Variants in HADH observed in about 807,000 individuals in gnomAD.
HADH encodes the protein hydroxyacyl-coenzyme A dehydrogenase, mitochondrial.
Under a neutral mutation model 32.2 loss-of-function variants are expected in HADH, and 24 were observed. The observed-to-expected ratio is 0.75, with a 90% CI of 0.54 to 1.05. The LOEUF is 1.05. HADH is among the 50% of genes least tolerant of loss of function. HADH has a pLI of 0.00. For missense variants in HADH, 350 were observed against 397.1 expected (o/e 0.88, Z 1.01); for synonymous variants, 139 against 152.5 (o/e 0.91, Z 0.65).
At chr4:108,013,345 GA>G (rs1735571358) in intron 2 of HADH, among the ~76,000 whole-genome samples, 1 of 152,302 alleles carries the variant, frequency 6.6e-6, no homozygotes, top group African/African-American at 2.4e-5. Flanking sequence ...GTCTAGGACA[GA>G]GTGAGTTTGA....
At chr4:108,015,420 G>A (rs368253043) in intron 3 of HADH, among the ~76,000 whole-genome samples, 3 of 152,182 alleles carry the variant, frequency 2.0e-5, no homozygotes, top group African/African-American at 7.2e-5. Flanking sequence ...TTGACCACTA[G>A]TGTGTCTTTT....
In HADH at chr4:108,009,985, T is replaced by TC. The variant is rs1163948089; in HGVS notation, c.261+98_261+99insC. 9.9e-6 allele frequency: 9 copies of TC among 911,690 alleles called. No individual in the cohort carries two copies. The East Asian group carries it at 2.2e-4, about 22-fold the overall frequency. 56.5% of individuals were successfully genotyped at this position (911,690 alleles called of 1,614,324 possible). Reference sequence around the variant, plus strand: ...TCTGGCTTTCTTTCTTTCTTTTTTTTTTTTTTTTTCAGTTTGTTAGTGTAA... The same window carrying TC: ...TCTGGCTTTCTTTCTTTCTTTTTTTTCTTTTTTTTTCAGTTTGTTAGTGTAA... On this transcript the variant is annotated intron_variant, in intron 2 of 7. Transcript: ENST00000309522.
intron 1 of HADH, among the ~76,000 whole-genome samples, chr4:107,999,431 G>A (rs1440204227): frequency 6.6e-6 from 1 of 152,124 alleles, no homozygotes; most frequent in Non-Finnish European, 1.5e-5. Flanking sequence ...GACTTTAGTG[G>A]CATTTTTTCC....
intron 6 of HADH, 184 bp from the exon 7 acceptor site, chr4:108,032,990 CAA>C (rs1024692038): frequency 3.2e-6 from 2 of 619,582 alleles, no homozygotes; most frequent in Non-Finnish European, 5.8e-6. Context: ...TCAAAAAAAA[CAA>C]AGTCTTATGA....
At chr4:108,014,305 A>G in intron 2 of HADH, 126 bp from the exon 3 acceptor site, 1 of 970,524 alleles carries the variant, frequency 1.0e-6, no homozygotes, top group Non-Finnish European at 1.6e-6. Flanking sequence ...CACTTTGAGA[A>G]CAGATAGGGT....
chr4:108,019,710 T>A (rs1487057330), intron 4 of HADH, 44 bp downstream of exon 4: 6 of 1,611,932 alleles, frequency 3.7e-6, no homozygotes, highest in Non-Finnish European at 8.5e-7. Context: ...CTCTGCCAGC[T>A]CTCTCAGTCC....
intron 1 of HADH, among the ~76,000 whole-genome samples, chr4:108,009,380 A>G (rs145134516): frequency 4.1e-4 from 62 of 152,236 alleles, no homozygotes; most frequent in African/African-American, 1.4e-3. Context: ...AAATAGCCAC[A>G]TGTAGCTAGT....
chr4:108,015,449 A>C (rs1333087657), intron 3 of HADH, among the ~76,000 whole-genome samples: 2 of 152,168 alleles, frequency 1.3e-5, no homozygotes, highest in African/African-American at 4.8e-5. Context: ...ATATCTGTTC[A>C]TGACCCCTGG....
chr4:108,006,174 C>T (rs567023861), intron 1 of HADH, among the ~76,000 whole-genome samples: 1 of 152,228 alleles, frequency 6.6e-6, no homozygotes, highest in East Asian at 1.9e-4. Flanking sequence ...TTGACCTTTC[C>T]TTAGGGAGTG....
intron 1 of HADH, among the ~76,000 whole-genome samples, chr4:107,993,955 C>T (rs1235888007): frequency 1.3e-5 from 2 of 152,098 alleles, no homozygotes; most frequent in East Asian, 1.9e-4. Flanking sequence ...AAGCTGGTAG[C>T]TGTGTGCATT....
At chr4:108,023,688 A>G in intron 5 of HADH, 125 bp downstream of exon 5, 1 of 739,036 alleles carries the variant, frequency 1.4e-6, no homozygotes, top group East Asian at 2.6e-5. Context: ...AAGCTTGTCC[A>G]CATGCTGTAA....
Position 107,995,891 on chromosome 4 carries a change from C to CA in HADH, c.132+5830dup, listed in dbSNP as rs1734940712. ...GTTGACGTCTCCTTGGCTCTGGACT[C>CA]AAAGTTAGTCTACCTGCTGGTCGTC... is the stretch of plus-strand genomic sequence containing the variant. On this transcript the variant is annotated intron_variant, in intron 1 of 7. Transcript: ENST00000309522. 5.3e-5 allele frequency among the ~76,000 whole-genome samples: 8 copies of CA among 152,286 alleles called. No individual in the cohort carries two copies. In the South Asian group the frequency reaches 1.5e-3, roughly 28 times the overall value.
intron 6 of HADH, chr4:108,028,781 T>C: frequency 2.5e-6 from 1 of 398,434 alleles, no homozygotes; most frequent in East Asian, 3.6e-5. Context: ...TGTAATGTTT[T>C]AGAATGTAGC....
chr4:108,008,714 T>C (rs1735371600), intron 1 of HADH, among the ~76,000 whole-genome samples: 1 of 152,134 alleles, frequency 6.6e-6, no homozygotes, highest in Non-Finnish European at 1.5e-5. Flanking sequence ...AAAGCAATGG[T>C]TTTGCAGGGG....
Position 108,023,604 on chromosome 4 carries a change from T to G in HADH, c.636+41T>G, listed in dbSNP as rs1313499216. 7.3e-6 allele frequency: 8 copies of G among 1,092,606 alleles called. No individual in the cohort carries two copies. In the South Asian group the frequency reaches 9.9e-5, roughly 14 times the overall value. 67.7% of individuals were successfully genotyped at this position (1,092,606 alleles called of 1,614,324 possible). A position where few individuals can be genotyped will look rare whatever the true frequency, so the allele number is the denominator to read the frequency against. ...GCTTGGGAAGGAGGTAGTTCTTTTC[T>G]TCTTGGACCCTGACTTGTTCCTGGT... On this transcript the variant is annotated intron_variant, in intron 5 of 7. Coordinates refer to ENST00000309522, the MANE Select transcript of HADH (RefSeq NM_005327.7).
chr4:107,994,895 C>T (rs1413776240), intron 1 of HADH, among the ~76,000 whole-genome samples: 1 of 152,132 alleles, frequency 6.6e-6, no homozygotes, highest in African/African-American at 2.4e-5. Flanking sequence ...AGGTAGGGCT[C>T]ACAGGCAACA....
chr4:108,017,444 G>A (rs937034382), intron 3 of HADH, among the ~76,000 whole-genome samples: 2 of 151,942 alleles, frequency 1.3e-5, no homozygotes, highest in Non-Finnish European at 2.9e-5. Flanking sequence ...TTGTGTTGTC[G>A]ATTTTCTTTT....
chr4:108,034,792 A>G lies in HADH; in HGVS notation c.*435A>G. On this transcript the variant is annotated 3_prime_UTR_variant, in exon 8 of 8. Transcript: ENST00000309522. ...GTATAGTCTGTGAAGCACTGCAGCG[A>G]GCAGCACCTGGATCTTGCCTTTATA... is the stretch of plus-strand genomic sequence containing the variant. 1 of 305,466 alleles carries G rather than the reference A, an allele frequency of 3.3e-6. No individual in the cohort carries two copies. The highest frequency in any genetic ancestry group is 3.1e-5 in the South Asian group (1 of 32,020). 18.9% of individuals were successfully genotyped at this position (305,466 alleles called of 1,614,324 possible).
chr4:108,000,396 C>T (rs1275362972), intron 1 of HADH, among the ~76,000 whole-genome samples: 2 of 152,202 alleles, frequency 1.3e-5, no homozygotes, highest in African/African-American at 2.4e-5. Context: ...TTCTCCTATG[C>T]TCTGGTTGGT....
Sources: gnomAD v4.1 joint callset for allele counts (sites outside exome capture counted in the v4.1 genomes callset) on GRCh38, gnomAD v4.1.1 for gene constraint, MANE v1.5 for transcripts, NCBI Gene and HGNC (gene_info 2026-07-23, HGNC 2026-07-21) for gene names.